ZNF804A: variants seen among roughly 807,000 people sequenced by gnomAD.
The protein encoded by ZNF804A is zinc finger protein 804A.
A neutral mutation model predicts 16.5 loss-of-function variants in ZNF804A; 2 were observed. That is an observed-to-expected ratio of 0.12 (90% CI 0.05 to 0.38). The LOEUF (loss-of-function observed/expected upper bound fraction) is 0.38, where lower values mean the gene tolerates loss of function less well. Among genes scored for constraint, ZNF804A ranks in the 10% least tolerant of loss-of-function variants. The pLI, the probability that ZNF804A is intolerant of heterozygous loss-of-function variation, is 0.99. For missense variants in ZNF804A, 1,473 were observed against 1,390.7 expected (o/e 1.06, Z -0.94); for synonymous variants, 534 against 489.6 (o/e 1.09, Z -1.20).
intron 1 of ZNF804A, among the ~76,000 whole-genome samples, chr2:184,634,404 G>C (rs545323324): frequency 3.0e-4 from 45 of 152,268 alleles, no homozygotes; most frequent in African/African-American, 1.0e-3. Flanking sequence ...TGACTTTGCA[G>C]ATGTGATTAA....
chr2:184,685,497 T>A (rs1692614024), intron 1 of ZNF804A, among the ~76,000 whole-genome samples: 1 of 151,936 alleles, frequency 6.6e-6, no homozygotes, highest in African/African-American at 2.4e-5. Flanking sequence ...GGCCCACGTC[T>A]AGGAAAAATG....
Position 184,798,904 on chromosome 2 carries a change from T to A in ZNF804A, c.112-67465T>A, listed in dbSNP as rs1694678902. Among the ~76,000 whole-genome samples the A allele has an allele frequency of 2.0e-5, 3 of 152,264 alleles. No homozygotes were observed. In the South Asian group the frequency reaches 6.2e-4, roughly 32 times the overall value. On this transcript the variant is annotated intron_variant, in intron 1 of 3. Coordinates refer to ENST00000302277, the MANE Select transcript of ZNF804A (RefSeq NM_194250.2). ...CTAGGGTTGAAGGCTGTAGTTCAGA[T>A]CCTTTTGTCCCACAGGGTGTTCCCT...
At chr2:184,786,291 T>C (rs1023170835) in intron 1 of ZNF804A, among the ~76,000 whole-genome samples, 92 of 147,698 alleles carry the variant, frequency 6.2e-4, no homozygotes, top group African/African-American at 2.3e-3. Context: ...CAGGTTCTTG[T>C]GTTCTTCTGT....
chr2:184,801,186 G>A (rs930577362), intron 1 of ZNF804A, among the ~76,000 whole-genome samples: 10 of 151,946 alleles, frequency 6.6e-5, no homozygotes, highest in African/African-American at 2.2e-4. Context: ...TACAATTCTT[G>A]TTCTTTAATC....
intron 1 of ZNF804A, among the ~76,000 whole-genome samples, chr2:184,708,127 AT>A: frequency 6.6e-6 from 1 of 152,054 alleles, no homozygotes; most frequent in African/African-American, 2.4e-5. Flanking sequence ...ATACTTCTCA[AT>A]TTTTTTAAAA....
intron 1 of ZNF804A, among the ~76,000 whole-genome samples, chr2:184,605,520 A>G (rs1231317330): frequency 2.6e-5 from 4 of 152,154 alleles, no homozygotes; most frequent in African/African-American, 4.8e-5. Flanking sequence ...AAAAAAGAAA[A>G]AAAGCACATT....
intron 1 of ZNF804A, among the ~76,000 whole-genome samples, chr2:184,831,665 T>C (rs1050868603): frequency 4.6e-5 from 7 of 151,838 alleles, no homozygotes; most frequent in Admixed American, 4.6e-4. Context: ...CTGATTTAAA[T>C]AGTCTCTAGT....
chr2:184,932,771 A>G (rs549491257), intron 2 of ZNF804A, among the ~76,000 whole-genome samples: 5 of 152,310 alleles, frequency 3.3e-5, no homozygotes, highest in African/African-American at 1.2e-4. Context: ...GGCACAAGAT[A>G]ACTTTGATGT....
chr2:184,929,698 C>T (rs1161865076), intron 2 of ZNF804A, among the ~76,000 whole-genome samples: 1 of 152,078 alleles, frequency 6.6e-6, no homozygotes, highest in Non-Finnish European at 1.5e-5. Context: ...TATTAAAACT[C>T]TTTCTTGCTT....
chr2:184,831,249 C>G (rs1695258108), intron 1 of ZNF804A, among the ~76,000 whole-genome samples: 1 of 151,862 alleles, frequency 6.6e-6, no homozygotes, highest in Admixed American at 6.6e-5. Flanking sequence ...GATGCCTCAT[C>G]TTTGGATTTT....
chr2:184,769,423 A>G (rs2105767718), intron 1 of ZNF804A, among the ~76,000 whole-genome samples: 1 of 152,194 alleles, frequency 6.6e-6, no homozygotes, highest in African/African-American at 2.4e-5. Flanking sequence ...TCAATTTTAT[A>G]TTTCTGGAAC....
intron 2 of ZNF804A, among the ~76,000 whole-genome samples, chr2:184,888,451 T>A (rs1311461953): frequency 6.6e-6 from 1 of 152,178 alleles, no homozygotes; most frequent in African/African-American, 2.4e-5. Context: ...TGCCCTTGGC[T>A]CCACTAAAGC....
At chr2:184,678,740 A>G (rs183123386) in intron 1 of ZNF804A, among the ~76,000 whole-genome samples, 5 of 152,348 alleles carry the variant, frequency 3.3e-5, no homozygotes, top group Admixed American at 3.3e-4. Context: ...CAATGAACAC[A>G]ATATTAACAT....
chr2:184,823,048 T>C (rs1022046360), intron 1 of ZNF804A, among the ~76,000 whole-genome samples: 1 of 152,124 alleles, frequency 6.6e-6, no homozygotes. Context: ...GACTAAGGAA[T>C]TTATAAATGA....
intron 1 of ZNF804A, among the ~76,000 whole-genome samples, chr2:184,820,416 T>A (rs1361564029): frequency 6.6e-6 from 1 of 152,054 alleles, no homozygotes; most frequent in Non-Finnish European, 1.5e-5. Flanking sequence ...GGAATATACC[T>A]CAAAATAATA....
intron 1 of ZNF804A, among the ~76,000 whole-genome samples, chr2:184,823,974 A>C (rs1042005779): frequency 6.6e-6 from 1 of 152,302 alleles, no homozygotes; most frequent in South Asian, 2.1e-4. Context: ...GCAAATATTA[A>C]GATATCTTTA....
chr2:184,877,847 C>A (rs1036914268), intron 2 of ZNF804A, among the ~76,000 whole-genome samples: 23 of 152,132 alleles, frequency 1.5e-4, no homozygotes, highest in Middle Eastern at 3.4e-3. Flanking sequence ...TACATCTCCA[C>A]TTCTTTCAGA....
At chr2:184,604,331 C>T (rs1037787763) in intron 1 of ZNF804A, among the ~76,000 whole-genome samples, 2 of 151,456 alleles carry the variant, frequency 1.3e-5, no homozygotes, top group African/African-American at 4.8e-5. Flanking sequence ...CCATCGCGCC[C>T]GGCTAATTTT....
intron 1 of ZNF804A, among the ~76,000 whole-genome samples, chr2:184,787,323 G>T (rs1224083037): frequency 1.3e-5 from 2 of 151,892 alleles, no homozygotes; most frequent in African/African-American, 2.4e-5. Context: ...TCATATAACT[G>T]CAGGTGTCTC....
Sources: allele counts gnomAD v4.1 joint callset (sites outside exome capture counted in the v4.1 genomes callset), GRCh38; gene constraint gnomAD v4.1.1; transcripts MANE v1.5; gene names NCBI Gene and HGNC (gene_info 2026-07-23, HGNC 2026-07-21).